Variants in N4BP2 observed in about 807,000 individuals in gnomAD.
N4BP2 encodes the protein NEDD4 binding protein 2.
In N4BP2, 91 loss-of-function variants were observed where a neutral mutation model predicts 152.8. The observed-to-expected ratio is 0.60, with a 90% CI of 0.50 to 0.71. N4BP2 has a LOEUF of 0.71. N4BP2 is among the 30% of genes least tolerant of loss of function. The pLI is 0.00. For missense variants in N4BP2, 1,923 were observed against 2,059.1 expected, an observed-to-expected ratio of 0.93 and a Z score of 1.28; for synonymous variants, 646 against 705.3, an observed-to-expected ratio of 0.92 and a Z score of 1.33.
At chr4:40,089,104 C>G (rs966205470) in intron 2 of N4BP2, among the ~76,000 whole-genome samples, 5 of 152,064 alleles carry the variant, frequency 3.3e-5, no homozygotes, top group African/African-American at 1.2e-4. Context: ...GCACGTGCCA[C>G]CATGCCTGGC....
At chr4:40,132,676 A>G (rs1719006528) in intron 13 of N4BP2, among the ~76,000 whole-genome samples, 1 of 152,072 alleles carries the variant, frequency 6.6e-6, no homozygotes, top group Non-Finnish European at 1.5e-5. Context: ...ACTTTTGATC[A>G]TGTATTTTTC....
At chr4:40,147,723 C>T (rs1271128854) in intron 16 of N4BP2, among the ~76,000 whole-genome samples, 1 of 151,730 alleles carries the variant, frequency 6.6e-6, no homozygotes, top group East Asian at 1.9e-4. Context: ...CTGGCCCTCA[C>T]TTCCCAGACG....
At chr4:40,141,940 CA>C (rs966368517) in intron 14 of N4BP2, among the ~76,000 whole-genome samples, 2 of 152,210 alleles carry the variant, frequency 1.3e-5, no homozygotes, top group Non-Finnish European at 2.9e-5. Flanking sequence ...ATAGGAAAAC[CA>C]GTCAGGCGTG....
chr4:40,172,230 T>A, the N4BP2 span, among the ~76,000 whole-genome samples: 16 of 152,262 alleles, frequency 1.1e-4, no homozygotes, highest in African/African-American at 3.9e-4. Flanking sequence ...TCTAGTCTTT[T>A]CATGTTCTTC....
chr4:40,155,571 AC>A lies in N4BP2; in HGVS notation c.*1336del, dbSNP rs1239691519. Reference sequence around the variant, plus strand: ...TAAATTCTGTTAGTATGCAAGTTAAACCTGTGTAAAGGAGGTTATAATGTGG... The same window carrying A: ...TAAATTCTGTTAGTATGCAAGTTAAACTGTGTAAAGGAGGTTATAATGTGG... On this transcript the variant is annotated 3_prime_UTR_variant, in exon 18 of 18. Transcript: ENST00000261435. The A allele has an allele frequency of 6.6e-6, 1 of 152,190 alleles. No individual in the cohort carries two copies. 9.4% of individuals were successfully genotyped at this position (152,190 alleles called of 1,614,324 possible). A position where few individuals can be genotyped will look rare whatever the true frequency, so the allele number is the denominator to read the frequency against.
intron 7 of N4BP2, among the ~76,000 whole-genome samples, chr4:40,114,389 TTCCCCCC>T (rs1281899119): frequency 2.6e-5 from 4 of 152,080 alleles, no homozygotes; most frequent in Admixed American, 2.0e-4. Flanking sequence ...GTTACTCTAG[TTCCCCCC>T]TCCTCTTGGC....
intron 1 of N4BP2, among the ~76,000 whole-genome samples, chr4:40,058,756 T>A (rs961671493): frequency 3.3e-5 from 5 of 152,144 alleles, no homozygotes; most frequent in Non-Finnish European, 7.4e-5. Flanking sequence ...CTAAATATTA[T>A]CACTAGTTGC....
chr4:40,183,015 C>A, the N4BP2 span, among the ~76,000 whole-genome samples: 2 of 152,110 alleles, frequency 1.3e-5, no homozygotes, highest in African/African-American at 4.8e-5. Flanking sequence ...GTGTAAGTTC[C>A]AACATTTAGA....
At chr4:40,136,411 G>A (rs1355283686) in intron 13 of N4BP2, among the ~76,000 whole-genome samples, 2 of 129,744 alleles carry the variant, frequency 1.5e-5, no homozygotes, top group Non-Finnish European at 3.5e-5. Context: ...TTGAGACAAA[G>A]TCTTGCTCTG....
intron 15 of N4BP2, among the ~76,000 whole-genome samples, chr4:40,143,450 A>G (rs1351492308): frequency 2.0e-5 from 3 of 152,118 alleles, no homozygotes; most frequent in Admixed American, 6.5e-5. Flanking sequence ...AATAGCTGGG[A>G]CTACAGGCAC....
Position 40,065,558 on chromosome 4 carries a change from C to A in N4BP2, c.-211-7897C>A, listed in dbSNP as rs376765249. Among the ~76,000 whole-genome samples the A allele has an allele frequency of 5.3e-5, 8 of 152,216 alleles. No homozygotes were observed. In the South Asian group the frequency reaches 1.5e-3, roughly 28 times the overall value. ...GACAGAAAAAAACCAGTAAATGCTG[C>A]TTGGGATGGGAGGGTGGATTGTATT... On this transcript the variant is annotated intron_variant, in intron 1 of 17. Coordinates refer to ENST00000261435, the MANE Select transcript of N4BP2 (RefSeq NM_018177.6).
intron 12 of N4BP2, among the ~76,000 whole-genome samples, chr4:40,128,014 A>C (rs1579093931): frequency 6.6e-6 from 1 of 152,242 alleles, no homozygotes; most frequent in African/African-American, 2.4e-5. Flanking sequence ...TGAATTAAAA[A>C]AATTACTCTT....
chr4:40,117,663 CTTTG>C (rs1376866242), intron 7 of N4BP2, among the ~76,000 whole-genome samples: 2 of 151,174 alleles, frequency 1.3e-5, no homozygotes, highest in South Asian at 2.1e-4. Flanking sequence ...AATTTTTTTT[CTTTG>C]TTTGAACTTA....
At chr4:40,101,861 A>G (rs1214130604) in intron 3 of N4BP2, among the ~76,000 whole-genome samples, 1 of 152,224 alleles carries the variant, frequency 6.6e-6, no homozygotes, top group Non-Finnish European at 1.5e-5. Flanking sequence ...CTGAAAGAAT[A>G]GGATTGCATG....
At chr4:40,126,050 T>C (rs1158729006) in intron 11 of N4BP2, 84 bp from the exon 12 acceptor site, 14 of 847,322 alleles carry the variant, frequency 1.7e-5, no homozygotes, top group Admixed American at 3.0e-5. Flanking sequence ...TTCCTTGGTC[T>C]CTGAGGTAAA....
intron 1 of N4BP2, among the ~76,000 whole-genome samples, chr4:40,069,203 C>T (rs771763819): frequency 2.6e-5 from 4 of 151,862 alleles, no homozygotes; most frequent in South Asian, 2.1e-4. Context: ...TTTGGGAGGC[C>T]GAGGCGGGCA....
At chr4:40,158,475 T>C (rs1415314718), downstream of N4BP2, among the ~76,000 whole-genome samples, 1 of 152,212 alleles carries the variant, frequency 6.6e-6, no homozygotes, top group Non-Finnish European at 1.5e-5. Flanking sequence ...ACACCCTGTA[T>C]CTTTTAACTG....
chr4:40,094,381 A>G (rs955690954), intron 2 of N4BP2, among the ~76,000 whole-genome samples: 8 of 152,074 alleles, frequency 5.3e-5, no homozygotes, highest in African/African-American at 1.7e-4. Flanking sequence ...GTTGAGTTCT[A>G]TATATTTGCT....
chr4:40,087,818 C>T (rs1714132557), intron 2 of N4BP2, among the ~76,000 whole-genome samples: 1 of 152,002 alleles, frequency 6.6e-6, no homozygotes, highest in Non-Finnish European at 1.5e-5. Context: ...TCGATCTCGG[C>T]TTACTGCAAC....
Sources: allele counts gnomAD v4.1 joint callset (sites outside exome capture counted in the v4.1 genomes callset), GRCh38; gene constraint gnomAD v4.1.1; transcripts MANE v1.5; gene names NCBI Gene and HGNC (gene_info 2026-07-23, HGNC 2026-07-21).